The following NALF1 variants were observed in gnomAD, a reference collection of about 807,000 sequenced individuals.
NALF1 encodes the protein family with sequence similarity 155 member A.
Under a neutral mutation model 48.4 loss-of-function variants are expected in NALF1, and 3 were observed. The observed-to-expected ratio is 0.06, with a 90% CI of 0.03 to 0.16. The LOEUF (loss-of-function observed/expected upper bound fraction) is 0.16, where lower values mean the gene tolerates loss of function less well. Ranked by LOEUF, NALF1 falls within the 10% of genes least tolerant of loss-of-function variation. The probability of loss-of-function intolerance (pLI) is 1.00; values close to 1 mark genes in which losing one functional copy is unlikely to be tolerated. For synonymous variants in NALF1, 262 were observed against 245.7 expected (o/e 1.07, Z -0.62); for missense variants, 526 against 571.5 (o/e 0.92, Z 0.81).
At chr13:107,246,798 T>A (rs955222799) in intron 1 of NALF1, among the ~76,000 whole-genome samples, 32 of 152,178 alleles carry the variant, frequency 2.1e-4, no homozygotes, top group Admixed American at 1.8e-3. Context: ...CCAAACATCA[T>A]ACTTATGTTT....
At chr13:107,644,812 C>T (rs1216313708) in intron 1 of NALF1, among the ~76,000 whole-genome samples, 2 of 151,848 alleles carry the variant, frequency 1.3e-5, no homozygotes, top group East Asian at 3.9e-4. Context: ...GAACACACCT[C>T]TGGAACCACC....
chr13:107,573,406 C>G (rs183462562), intron 1 of NALF1, among the ~76,000 whole-genome samples: 4 of 152,134 alleles, frequency 2.6e-5, no homozygotes, highest in Non-Finnish European at 4.4e-5. Context: ...CAGTACTTGG[C>G]ACATAATTGA....
intron 1 of NALF1, among the ~76,000 whole-genome samples, chr13:107,748,345 G>C (rs1876840453): frequency 1.3e-5 from 2 of 152,112 alleles, no homozygotes; most frequent in Non-Finnish European, 2.9e-5. Context: ...TGAGCAAATT[G>C]TTGCTTTGCA....
intron 1 of NALF1, among the ~76,000 whole-genome samples, chr13:107,423,027 CTAGAACTGTAAGATAATAA>C (rs1884218665): frequency 6.6e-6 from 1 of 152,108 alleles, no homozygotes; most frequent in Non-Finnish European, 1.5e-5. Context: ...CTTCTGGCCT[CTAGAACTGTAAGATAATAA>C]AGTTGTGGTG....
At chr13:107,256,533 T>C (rs1880818303) in intron 1 of NALF1, among the ~76,000 whole-genome samples, 1 of 152,236 alleles carries the variant, frequency 6.6e-6, no homozygotes, top group Admixed American at 6.5e-5. Flanking sequence ...TGAGGAAATC[T>C]TCCTCCAGTA....
intron 1 of NALF1, among the ~76,000 whole-genome samples, chr13:107,242,134 T>C (rs1880483645): frequency 6.6e-6 from 1 of 152,234 alleles, no homozygotes; most frequent in African/African-American, 2.4e-5. Flanking sequence ...ACCTGTTTCC[T>C]ATCCAGCATT....
At chr13:107,753,433 G>A (rs1308683884) in intron 1 of NALF1, among the ~76,000 whole-genome samples, 1 of 149,966 alleles carries the variant, frequency 6.7e-6, no homozygotes, top group Non-Finnish European at 1.5e-5. Flanking sequence ...AATCTTCTTT[G>A]TTGTTGTTGT....
At chr13:107,642,152 A>G (rs1880176312) in intron 1 of NALF1, among the ~76,000 whole-genome samples, 1 of 152,174 alleles carries the variant, frequency 6.6e-6, no homozygotes, top group South Asian at 2.1e-4. Flanking sequence ...ATTTTTATGC[A>G]CAGTAAAAGC....
chr13:107,818,594 C>T (rs1156463250), intron 1 of NALF1, among the ~76,000 whole-genome samples: 3 of 151,580 alleles, frequency 2.0e-5, no homozygotes, highest in East Asian at 2.0e-4. Context: ...CAGTTGAGGC[C>T]GGGCGCGGTG....
chr13:107,287,386 G>A lies in NALF1; in HGVS notation c.916-76631C>T, dbSNP rs193050439. 3.2e-4 allele frequency among the ~76,000 whole-genome samples: 49 copies of A among 152,224 alleles called. 1 individual carries two copies. The South Asian group carries it at 4.4e-3, about 14-fold the overall frequency. Reference sequence around the variant, plus strand: ...GTTCAGGTATTTCCCATTCAGCAGCGACACACACAAATGCACATGACAAGC... The same window carrying A: ...GTTCAGGTATTTCCCATTCAGCAGCAACACACACAAATGCACATGACAAGC... On this transcript the variant is annotated intron_variant, in intron 1 of 2. Coordinates refer to ENST00000375915, the MANE Select transcript of NALF1 (RefSeq NM_001080396.3).
chr13:107,833,538 T>C (rs1879804132), intron 1 of NALF1, among the ~76,000 whole-genome samples: 1 of 152,238 alleles, frequency 6.6e-6, no homozygotes, highest in Non-Finnish European at 1.5e-5. Flanking sequence ...TATATTTACT[T>C]TCTTGGGTGC....
chr13:107,664,081 T>C (rs549343203), intron 1 of NALF1, among the ~76,000 whole-genome samples: 16 of 152,132 alleles, frequency 1.1e-4, no homozygotes, highest in Non-Finnish European at 1.9e-4. Flanking sequence ...TAATATTTAA[T>C]AGACATCTCA....
intron 1 of NALF1, among the ~76,000 whole-genome samples, chr13:107,492,167 C>T (rs1875158261): frequency 6.6e-6 from 1 of 151,510 alleles, no homozygotes; most frequent in South Asian, 2.1e-4. Flanking sequence ...TCTCCTGCCT[C>T]AGCCTTACGA....
rs1183938235 is a variant in NALF1, at chr13:107,166,975, A to G, written c.*3522T>C. 1 of 152,220 alleles carries G rather than the reference A, an allele frequency of 6.6e-6. No homozygotes were observed. 9.4% of individuals were successfully genotyped at this position (152,220 alleles called of 1,614,324 possible). A position where few individuals can be genotyped will look rare whatever the true frequency, so the allele number is the denominator to read the frequency against. On this transcript the variant is annotated 3_prime_UTR_variant, in exon 3 of 3. Transcript: ENST00000375915. ...CTGCCTTGTGAGAGAGGGGAAAAAT[A>G]CTATCTTTTTAATGCAAGAAAAGTT...
chr13:107,569,238 G>C (rs1877906846), intron 1 of NALF1, among the ~76,000 whole-genome samples: 1 of 152,062 alleles, frequency 6.6e-6, no homozygotes. Flanking sequence ...GGGAGGCCGA[G>C]GCGGGTGGAT....
At chr13:107,804,812 A>C (rs1878726154) in intron 1 of NALF1, among the ~76,000 whole-genome samples, 1 of 152,192 alleles carries the variant, frequency 6.6e-6, no homozygotes, top group African/African-American at 2.4e-5. Flanking sequence ...AAATTTGTTC[A>C]TTTGTCTATA....
intron 1 of NALF1, among the ~76,000 whole-genome samples, chr13:107,525,166 G>C (rs1201093918): frequency 6.6e-6 from 1 of 152,070 alleles, no homozygotes; most frequent in Non-Finnish European, 1.5e-5. Context: ...AGTGTGTATA[G>C]TTCTATGAAT....
At chr13:107,664,555 G>A (rs78096236) in intron 1 of NALF1, among the ~76,000 whole-genome samples, 142 of 152,126 alleles carry the variant, frequency 9.3e-4, no homozygotes, top group African/African-American at 3.0e-3. Context: ...CTTCCTCACC[G>A]CCACTCCCCA....
chr13:107,520,476 T>A (rs1400937829), intron 1 of NALF1, among the ~76,000 whole-genome samples: 3 of 152,222 alleles, frequency 2.0e-5, no homozygotes, highest in East Asian at 1.9e-4. Flanking sequence ...TCAGAGATTA[T>A]GAGATGTCTT....
Sources: allele counts gnomAD v4.1 joint callset (sites outside exome capture counted in the v4.1 genomes callset), GRCh38; gene constraint gnomAD v4.1.1; transcripts MANE v1.5; gene names NCBI Gene and HGNC (gene_info 2026-07-23, HGNC 2026-07-21).